DIPK1C: variants seen among roughly 807,000 people sequenced by gnomAD.
The protein encoded by DIPK1C is familial non-conventional Alzheimer's dementia.
In DIPK1C, 33 loss-of-function variants were observed where a neutral mutation model predicts 28.0. That is an observed-to-expected ratio of 1.18 (90% CI 0.89 to 1.58). The LOEUF (loss-of-function observed/expected upper bound fraction) is 1.58, where lower values mean the gene tolerates loss of function less well. DIPK1C is among the 40% of genes most tolerant of loss of function. The pLI, the probability that DIPK1C is intolerant of heterozygous loss-of-function variation, is 0.00. For missense variants in DIPK1C, 569 were observed against 568.5 expected (o/e 1.00, Z -0.01); for synonymous variants, 255 against 248.8 (o/e 1.02, Z -0.23).
chr18:74,460,468 G>T (rs1445288863), upstream of DIPK1C, among the ~76,000 whole-genome samples: 6 of 152,194 alleles, frequency 3.9e-5, no homozygotes, highest in Admixed American at 3.9e-4. Flanking sequence ...CCAGGTAGAA[G>T]GATTGCAGGT....
rs774528542 is a variant in DIPK1C at position 74,441,969 on chromosome 18, C to T, written c.1024G>A (p.Val342Ile). 4.0e-5 allele frequency: 64 copies of T among 1,613,694 alleles called. No homozygotes were observed. Among genetic ancestry groups the T allele is most frequent in the Admixed American group, 8.3e-5 (5 of 59,924 alleles). Residue 342 changes from valine (V) to isoleucine (I), a missense_variant, in exon 3 of 4, where the codon GTA becomes ATA. Physicochemically the swap from Val to Ile is conservative, Grantham distance 29. Transcript: ENST00000343998. ...TCTCATACCTGCAGGTTGTTGTTTA[C>T]GCGCTGCGCTCCGCATTTGTTGACT... ...LRVNKCGAQR[V>I]NNNLQVICDK...
Position 74,446,809 on chromosome 18 carries a change from G to A in DIPK1C, c.673C>T (p.Leu225=). ...SCGHFYAVEF[L]AAGSPHHRAL... ...CTGTGGTGGGGGCTGCCCGCGGCCA[G>A]GAACTCCACCGCGTAGAAGTGGCCG... is the stretch of plus-strand genomic sequence containing the variant. The change falls in exon 2 of 4, where the codon CTG becomes TTG. Residue 225 remains leucine (L), a synonymous_variant. Coordinates refer to ENST00000343998, the MANE Select transcript of DIPK1C (RefSeq NM_001044369.3). The A allele has an allele frequency of 2.0e-6, 3 of 1,488,992 alleles. No homozygotes were observed. The highest frequency in any genetic ancestry group is 2.7e-6 in the Non-Finnish European group (3 of 1,115,870). The allele number at this position is 1,488,992 out of a possible 1,614,324, so 92.2% of individuals were successfully genotyped here. A position where few individuals can be genotyped will look rare whatever the true frequency, so the allele number is the denominator to read the frequency against.
intron 1 of DIPK1C, among the ~76,000 whole-genome samples, chr18:74,452,118 A>T (rs529147446): frequency 6.6e-6 from 1 of 152,320 alleles, no homozygotes; most frequent in East Asian, 1.9e-4. Flanking sequence ...GGATCCTCAA[A>T]GTGCAGTTTC....
chr18:74,464,561 C>T, the DIPK1C span, among the ~76,000 whole-genome samples: 3 of 152,214 alleles, frequency 2.0e-5, no homozygotes, highest in Admixed American at 2.0e-4. Context: ...CATTAGGGTT[C>T]ACTCTTGGTG....
chr18:74,451,313 C>A (rs1413527138), intron 1 of DIPK1C, among the ~76,000 whole-genome samples: 1 of 152,158 alleles, frequency 6.6e-6, no homozygotes, highest in Non-Finnish European at 1.5e-5. Context: ...TTTTGGGTGT[C>A]TCCATTGTAC....
intron 3 of DIPK1C, 55 bp downstream of exon 3, chr18:74,441,897 G>T: frequency 6.4e-7 from 1 of 1,568,110 alleles, no homozygotes; most frequent in South Asian, 1.2e-5. Flanking sequence ...GAGCTAGCGG[G>T]CAGAAACAGC....
chr18:74,448,573 C>T (rs11664265), intron 1 of DIPK1C, among the ~76,000 whole-genome samples: 29,284 of 152,004 alleles, frequency 0.19, 3,723 homozygotes, highest in East Asian at 0.54. Flanking sequence ...TCCTTCCTTG[C>T]GTCACACTCC....
intron 1 of DIPK1C, among the ~76,000 whole-genome samples, chr18:74,449,207 A>G (rs1211501377): frequency 6.6e-6 from 1 of 152,216 alleles, no homozygotes; most frequent in African/African-American, 2.4e-5. Flanking sequence ...AAAAGACACG[A>G]GCCTATTTGT....
At chr18:74,441,552 G>A (rs1559806) in intron 3 of DIPK1C, among the ~76,000 whole-genome samples, 65,299 of 151,990 alleles carry the variant, frequency 0.43, 14,669 homozygotes, top group East Asian at 0.73. Context: ...GGTGGTTTCT[G>A]TCTAACCTCT....
At position 74,436,327 on chromosome 18, in the gene DIPK1C, G is replaced by A. The variant is rs1011551328; in HGVS notation, c.*174C>T. 9.3e-6 allele frequency: 6 copies of A among 646,208 alleles called. No homozygotes were observed. The highest frequency in any genetic ancestry group is 1.6e-5 in the Non-Finnish European group (6 of 382,602). The allele number at this position is 646,208 out of a possible 1,614,324, so 40.0% of individuals were successfully genotyped here. ...AGGCGACAGGTCAGAGGCCAGGGTG[G>A]GACGAGAGCGAGGGAGCACTGTCTC... On this transcript the variant is annotated 3_prime_UTR_variant, in exon 4 of 4. Transcript: ENST00000343998.
intron 1 of DIPK1C, among the ~76,000 whole-genome samples, chr18:74,450,528 G>A (rs1467604351): frequency 6.6e-6 from 1 of 152,188 alleles, no homozygotes; most frequent in East Asian, 1.9e-4. Context: ...GAGACACTGG[G>A]CCTGGTTTTC....
At chr18:74,441,243 C>T (rs747855951) in intron 3 of DIPK1C, among the ~76,000 whole-genome samples, 42 of 152,150 alleles carry the variant, frequency 2.8e-4, no homozygotes, top group Non-Finnish European at 4.7e-4. Flanking sequence ...TGTAAGCCAT[C>T]GCATGCAACC....
intron 2 of DIPK1C, among the ~76,000 whole-genome samples, chr18:74,445,589 G>A (rs1378411495): frequency 6.6e-6 from 1 of 152,222 alleles, no homozygotes; most frequent in African/African-American, 2.4e-5. Context: ...CAGTCACAGT[G>A]CCTGCTTTTT....
At chr18:74,459,706 G>A (rs1986588905), upstream of DIPK1C, among the ~76,000 whole-genome samples, 1 of 152,344 alleles carries the variant, frequency 6.6e-6, no homozygotes, top group East Asian at 1.9e-4. Context: ...GGTGAAATAA[G>A]CCTTAGTCCT....
chr18:74,444,984 G>A (rs1799015956), intron 2 of DIPK1C, among the ~76,000 whole-genome samples: 2 of 152,154 alleles, frequency 1.3e-5, no homozygotes, highest in Non-Finnish European at 1.5e-5. Context: ...CGCCCACTCG[G>A]CATCACAGAC....
upstream of DIPK1C, among the ~76,000 whole-genome samples, chr18:74,461,659 G>A (rs1986621028): frequency 6.6e-6 from 1 of 151,978 alleles, no homozygotes; most frequent in Non-Finnish European, 1.5e-5. Context: ...GTGAGTCACT[G>A]TGCCTGGCCC....
intron 2 of DIPK1C, among the ~76,000 whole-genome samples, chr18:74,444,915 G>A (rs962202533): frequency 3.9e-5 from 6 of 152,122 alleles, no homozygotes; most frequent in Non-Finnish European, 7.4e-5. Context: ...CAACTTAGGG[G>A]GCTCCCACAA....
intron 2 of DIPK1C, among the ~76,000 whole-genome samples, chr18:74,446,001 T>G (rs1470457143): frequency 6.6e-6 from 1 of 152,230 alleles, no homozygotes; most frequent in East Asian, 1.9e-4. Context: ...CGCAGCTGCC[T>G]GGCCCCACGT....
At chr18:74,463,673 G>A in the DIPK1C span, among the ~76,000 whole-genome samples, 1 of 152,136 alleles carries the variant, frequency 6.6e-6, no homozygotes, top group Admixed American at 6.5e-5. Flanking sequence ...CAACGCAGGG[G>A]AAAACATATC....
Sources: allele counts gnomAD v4.1 joint callset (sites outside exome capture counted in the v4.1 genomes callset), GRCh38; gene constraint gnomAD v4.1.1; transcripts MANE v1.5; gene names NCBI Gene and HGNC (gene_info 2026-07-23, HGNC 2026-07-21).